Variants in PIK3CD observed in about 807,000 individuals in gnomAD.
The protein encoded by PIK3CD is phosphatidylinositol-4,5-bisphosphate 3-kinase catalytic subunit delta, also known as phosphatidylinositol 4,5-bisphosphate 3-kinase catalytic subunit delta isoform.
Under a neutral mutation model 122.9 loss-of-function variants are expected in PIK3CD, and 20 were observed. That is an observed-to-expected ratio of 0.16 (90% confidence interval 0.11 to 0.24). The LOEUF (loss-of-function observed/expected upper bound fraction) is 0.24, where lower values mean the gene tolerates loss of function less well. Ranked by LOEUF, PIK3CD falls within the 10% of genes least tolerant of loss-of-function variation. PIK3CD has a pLI of 1.00. For synonymous variants in PIK3CD, 596 were observed against 593.4 expected, an observed-to-expected ratio of 1.00 and a Z score of -0.06; for missense variants, 787 against 1,406.3, an observed-to-expected ratio of 0.56 and a Z score of 7.04.
intron 2 of PIK3CD, among the ~76,000 whole-genome samples, chr1:9,709,196 A>AT (rs1646956583): frequency 6.6e-6 from 1 of 151,742 alleles, no homozygotes; most frequent in African/African-American, 2.4e-5. Flanking sequence ...TGCCCGGCTA[A>AT]TTTTTATATT....
rs992058910 is a variant in PIK3CD at position 9,689,599 on chromosome 1, C to T, written c.-137-1868C>T. Among the ~76,000 whole-genome samples, 1 of 150,548 alleles carries T rather than the reference C, an allele frequency of 6.6e-6. No homozygotes were observed. The highest frequency in any genetic ancestry group is 6.6e-5 in the Admixed American group (1 of 15,156). Reference sequence around the variant, plus strand: ...CGCGCGGCGGGCCTGCCCTCCGGCCCCCGCCGGCCCCGCGCCGCTGCCCGG... The same window carrying T: ...CGCGCGGCGGGCCTGCCCTCCGGCCTCCGCCGGCCCCGCGCCGCTGCCCGG... On this transcript the variant is annotated intron_variant, in intron 1 of 23. Coordinates refer to ENST00000377346, the MANE Select transcript of PIK3CD (RefSeq NM_005026.5). The surrounding 1 kb of genome is among the most constrained non-coding windows in gnomAD (Gnocchi z 6.1).
rs771079845 is a variant in PIK3CD at position 9,718,723 on chromosome 1, C to T, written c.1050C>T (p.Gly350=). 6.2e-7 allele frequency: 1 copy of T among 1,605,516 alleles called. No individual in the cohort carries two copies. Among genetic ancestry groups the T allele is most frequent in the South Asian group, 1.1e-5 (1 of 90,998 alleles). Residue 350 remains glycine (G), a synonymous_variant, in exon 9 of 24, where the codon GGC becomes GGT. Coordinates refer to ENST00000377346, the MANE Select transcript of PIK3CD (RefSeq NM_005026.5). The surrounding 1 kb of genome is among the most constrained non-coding windows in gnomAD (Gnocchi z 7.2). ...KLVVQAGLFH[G]NEMLCKTVSS... is the part of the protein sequence containing the mutation. Reference sequence around the variant, plus strand: ...TGGTGCAGGCCGGGCTTTTCCACGGCAACGAGATGCTGTGCAAGACGGTGT... The same window carrying T: ...TGGTGCAGGCCGGGCTTTTCCACGGTAACGAGATGCTGTGCAAGACGGTGT...
At chr1:9,649,027 G>A (rs373418193), upstream of PIK3CD, among the ~76,000 whole-genome samples, 12 of 152,194 alleles carry the variant, frequency 7.9e-5, no homozygotes, top group South Asian at 2.1e-4. Context: ...GCTTGAACCC[G>A]GGAGGCCAAG....
chr1:9,725,652 G>T (rs1004986404), intron 23 of PIK3CD, among the ~76,000 whole-genome samples: 1 of 152,114 alleles, frequency 6.6e-6, no homozygotes, highest in Admixed American at 6.5e-5. Context: ...GCTGAGGTGG[G>T]CAGATCACGA....
chr1:9,701,399 C>T (rs946465078), intron 2 of PIK3CD, among the ~76,000 whole-genome samples: 2 of 152,122 alleles, frequency 1.3e-5, no homozygotes, highest in Admixed American at 6.6e-5. Flanking sequence ...AAGCCGGGCG[C>T]GGTGGCTCAC....
rs150874681 is a variant in PIK3CD, at chr1:9,659,259, T to C, written c.-138+7457T>C. Reference sequence around the variant, plus strand: ...GGTTGATAGGTACAGCAAACCACCGTAGCACACGTTTACCTATGCAACAAA... The same window carrying C: ...GGTTGATAGGTACAGCAAACCACCGCAGCACACGTTTACCTATGCAACAAA... On this transcript the variant is annotated intron_variant, in intron 1 of 23. Coordinates refer to ENST00000377346, the MANE Select transcript of PIK3CD (RefSeq NM_005026.5). 4.4e-3 allele frequency among the ~76,000 whole-genome samples: 669 copies of C among 152,220 alleles called. 8 individuals are homozygous for C. Among genetic ancestry groups the C allele is most frequent in the African/African-American group, 0.015 (608 of 41,514 alleles).
chr1:9,642,949 G>A, the PIK3CD span, among the ~76,000 whole-genome samples: 1 of 151,746 alleles, frequency 6.6e-6, no homozygotes, highest in African/African-American at 2.4e-5. Context: ...TTAGCCGGGT[G>A]TGGTGGCATA....
At chr1:9,721,082 A>G in intron 13 of PIK3CD, 45 bp from the exon 14 acceptor site, 4 of 1,520,626 alleles carry the variant, frequency 2.6e-6, no homozygotes, top group Non-Finnish European at 3.6e-6. Context: ...GACCACCTCC[A>G]CCCTGACCCC....
At chr1:9,679,918 G>A (rs1260058776) in intron 1 of PIK3CD, among the ~76,000 whole-genome samples, 10 of 151,748 alleles carry the variant, frequency 6.6e-5, no homozygotes, top group African/African-American at 9.7e-5. Flanking sequence ...TCTGCCTCCC[G>A]GGTTCAAGTG....
At chr1:9,669,282 C>T (rs931273728) in intron 1 of PIK3CD, among the ~76,000 whole-genome samples, 2 of 152,158 alleles carry the variant, frequency 1.3e-5, no homozygotes, top group Non-Finnish European at 2.9e-5. Context: ...GATCCGCCCA[C>T]CTAGTAGTTG....
chr1:9,724,088 G>T lies in PIK3CD; in HGVS notation c.2714G>T (p.Gly905Val), dbSNP rs770690790. The change falls in exon 21 of 24, where the codon GGG (glycine) becomes GTG (valine). Residue 905 changes from glycine (G) to valine (V), a missense_variant. By Grantham distance (109) the Gly-to-Val change is moderately radical. Around this residue, in one of 6 missense-constraint regions of PIK3CD, gnomAD observed 17 missense variants for 97.0 expected, o/e 0.18. Coordinates refer to ENST00000377346, the MANE Select transcript of PIK3CD (RefSeq NM_005026.5). This position sits in a 1 kb window ranked among gnomAD's most constrained non-coding sequence, Gnocchi z 7.3. Reference protein sequence around the residue: ...HSDNIMIRESGQLFHIDFGHF... With the variant: ...HSDNIMIRESVQLFHIDFGHF... ...GACAACATCATGATCCGAGAGAGTG[G>T]GCAGGTACAGGGGCTGGTGCTGGCG... 2 of 1,614,046 alleles carry T rather than the reference G, an allele frequency of 1.2e-6. No individual in the cohort carries two copies. Among genetic ancestry groups the T allele is most frequent in the Admixed American group, 3.3e-5 (2 of 60,004 alleles).
chr1:9,687,628 C>T (rs2100376664), intron 1 of PIK3CD: 1 of 152,206 alleles, frequency 6.6e-6, no homozygotes, highest in African/African-American at 2.4e-5. Flanking sequence ...GGCCCGGGCT[C>T]CGCCCTCTCC....
chr1:9,642,176 G>C, the PIK3CD span, among the ~76,000 whole-genome samples: 2 of 151,756 alleles, frequency 1.3e-5, no homozygotes, highest in African/African-American at 4.8e-5. Flanking sequence ...GCAATGGTGC[G>C]ATCTTGGCTC....
At chr1:9,664,042 T>C (rs1359424492) in intron 1 of PIK3CD, among the ~76,000 whole-genome samples, 1 of 141,554 alleles carries the variant, frequency 7.1e-6, no homozygotes, top group Non-Finnish European at 1.5e-5. Flanking sequence ...TTTCTTTTTC[T>C]TTCTTTCTTT....
chr1:9,683,354 C>T (rs1281502288), intron 1 of PIK3CD, among the ~76,000 whole-genome samples: 4 of 150,730 alleles, frequency 2.7e-5, no homozygotes, highest in African/African-American at 7.3e-5. Flanking sequence ...AGGAGAATGG[C>T]GTGAACCCGG....
chr1:9,721,690 C>A (rs1648686316), intron 15 of PIK3CD, 71 bp from the exon 16 acceptor site: 3 of 1,604,406 alleles, frequency 1.9e-6, no homozygotes, highest in Admixed American at 1.7e-5. Flanking sequence ...CCTGGCCTCG[C>A]TAGGTCCTGC....
the PIK3CD span, among the ~76,000 whole-genome samples, chr1:9,628,628 C>T: frequency 3.3e-5 from 5 of 152,298 alleles, no homozygotes; most frequent in Admixed American, 1.3e-4. Flanking sequence ...CCTCAGTGAC[C>T]GGGCAGACTG....
rs911437549 is a variant in PIK3CD, at chr1:9,700,637, G to A, written c.-33+9066G>A. Among the ~76,000 whole-genome samples the A allele has an allele frequency of 6.6e-6, 1 of 151,878 alleles. No individual in the cohort carries two copies. Among genetic ancestry groups the A allele is most frequent in the East Asian group, 1.9e-4 (1 of 5,166 alleles). The stretch of plus-strand genomic sequence containing the variant: ...TAGGCCGTCTCACCTGCCCCTCCCC[G>A]GCTCCACATCTGTCTGTAGCCTGCT... On this transcript the variant is annotated intron_variant, in intron 2 of 23. Coordinates refer to ENST00000377346, the MANE Select transcript of PIK3CD (RefSeq NM_005026.5). The surrounding 1 kb of genome is among the most constrained non-coding windows in gnomAD (Gnocchi z 5.1).
At position 9,723,377 on chromosome 1, in the gene PIK3CD, G is replaced by C; in HGVS notation, c.2594+85G>C. ...GCCTCGCCTGTCAGAACAAAGGAGC[G>C]GGGAGGGGCCTCAGACCATCTTTGT... On this transcript the variant is annotated intron_variant, in intron 20 of 23. Coordinates refer to ENST00000377346, the MANE Select transcript of PIK3CD (RefSeq NM_005026.5). This position sits in a 1 kb window ranked among gnomAD's most constrained non-coding sequence, Gnocchi z 4.9. The C allele has an allele frequency of 7.1e-7, 1 of 1,413,272 alleles. No homozygotes were observed. The highest frequency in any genetic ancestry group is 1.2e-5 in the South Asian group (1 of 86,570). The allele number at this position is 1,413,272 out of a possible 1,614,324, so 87.5% of individuals were successfully genotyped here. A position where few individuals can be genotyped will look rare whatever the true frequency, so the allele number is the denominator to read the frequency against.
Sources: allele counts gnomAD v4.1 joint callset (sites outside exome capture counted in the v4.1 genomes callset), GRCh38; gene constraint gnomAD v4.1.1; regional missense constraint gnomAD v4.1.1; non-coding constraint Gnocchi (gnomAD v3.1); transcripts MANE v1.5; gene names NCBI Gene and HGNC (gene_info 2026-07-23, HGNC 2026-07-21).